The following CPA5 variants were observed in gnomAD, a reference collection of about 807,000 sequenced individuals.
CPA5 encodes testicular tissue protein Li 32.
In CPA5, 38 loss-of-function variants were observed where a neutral mutation model predicts 52.2. The observed-to-expected ratio is 0.73, with a 90% CI of 0.56 to 0.95. The LOEUF (loss-of-function observed/expected upper bound fraction) is 0.95. Among genes scored for constraint, CPA5 ranks in the 40% least tolerant of loss-of-function variants. The pLI is 0.00. For synonymous variants in CPA5, 198 were observed against 213.7 expected (o/e 0.93, Z 0.64); for missense variants, 519 against 566.7 (o/e 0.92, Z 0.86).
At chr7:130,374,322 GTTC>G in the CPA5 span, among the ~76,000 whole-genome samples, 2 of 152,126 alleles carry the variant, frequency 1.3e-5, no homozygotes, top group African/African-American at 2.4e-5. Flanking sequence ...GTTGACTGAG[GTTC>G]TTCTTCCCTG....
intron 5 of CPA5, 24 bp from the exon 6 acceptor site, chr7:130,359,565 C>T: frequency 6.5e-7 from 1 of 1,540,394 alleles, no homozygotes; most frequent in African/African-American, 1.4e-5. Flanking sequence ...CCTTCCTTTC[C>T]AATATGTGTT....
chr7:130,358,109 C>T (rs188366274), intron 5 of CPA5, among the ~76,000 whole-genome samples: 290 of 152,096 alleles, frequency 1.9e-3, no homozygotes, highest in African/African-American at 6.6e-3. Context: ...AGTCCTCCTG[C>T]CTCAGCTTAA....
At chr7:130,348,335 T>G (rs1357615462) in intron 4 of CPA5, among the ~76,000 whole-genome samples, 1 of 152,224 alleles carries the variant, frequency 6.6e-6, no homozygotes, top group Non-Finnish European at 1.5e-5. Context: ...AAACATTTTC[T>G]TTAACTTTGA....
At chr7:130,346,883 C>G (rs561800531) in intron 3 of CPA5, among the ~76,000 whole-genome samples, 2 of 152,146 alleles carry the variant, frequency 1.3e-5, no homozygotes, top group Admixed American at 1.3e-4. Context: ...TTTTCCTATA[C>G]AACAGGGGCT....
At chr7:130,361,320 T>C in intron 7 of CPA5, 76 bp downstream of exon 7, 2 of 1,037,876 alleles carry the variant, frequency 1.9e-6, no homozygotes, top group Middle Eastern at 2.0e-4. Context: ...TATGGGGTAG[T>C]GGCTGGGCGG....
At chr7:130,367,684 G>C (rs1040675610) in intron 11 of CPA5, 113 bp downstream of exon 11, 5 of 1,101,908 alleles carry the variant, frequency 4.5e-6, no homozygotes, top group Non-Finnish European at 6.9e-6. Context: ...GGTCTGGGCT[G>C]ATTGACCCCA....
chr7:130,355,866 A>G (rs1795447968), intron 5 of CPA5, among the ~76,000 whole-genome samples: 1 of 152,202 alleles, frequency 6.6e-6, no homozygotes, highest in Non-Finnish European at 1.5e-5. Context: ...CTCCACTCTC[A>G]AGGCATCTGT....
At position 130,367,855 on chromosome 7, in the gene CPA5, T is replaced by TGGGAGCCCCG. The variant is rs782101653; in HGVS notation, c.1039-41_1039-32dup. The TGGGAGCCCCG allele has an allele frequency of 3.3e-4, 495 of 1,504,884 alleles. 2 individuals are homozygous for TGGGAGCCCCG. The highest frequency in any genetic ancestry group is 9.0e-5 in the East Asian group (4 of 44,376). The allele number at this position is 1,504,884 out of a possible 1,614,324, so 93.2% of individuals were successfully genotyped here. A position where few individuals can be genotyped will look rare whatever the true frequency, so the allele number is the denominator to read the frequency against. On this transcript the variant is annotated intron_variant, in intron 11 of 12. Transcript: ENST00000474905. Reference sequence around the variant, plus strand: ...CAGCTGGTGAGGGTGGGGGAGTGTGTGGGAGCCCCGGGGAGCCCCTGCCTT... The same window carrying TGGGAGCCCCG: ...CAGCTGGTGAGGGTGGGGGAGTGTGTGGGAGCCCCGGGGAGCCCCGGGGAGCCCCTGCCTT...
intron 4 of CPA5, 148 bp from the exon 5 acceptor site, chr7:130,349,827 T>A (rs570076114): frequency 1.1e-4 from 96 of 839,342 alleles, no homozygotes; most frequent in Non-Finnish European, 1.6e-4. Flanking sequence ...GCTGAGGGGC[T>A]TTGGGACATC....
At chr7:130,356,513 C>T (rs1351933451) in intron 5 of CPA5, among the ~76,000 whole-genome samples, 2 of 152,188 alleles carry the variant, frequency 1.3e-5, no homozygotes, top group African/African-American at 2.4e-5. Context: ...ATGGAGCAAA[C>T]GCTGGTGCAT....
chr7:130,374,059 G>C, the CPA5 span, among the ~76,000 whole-genome samples: 1 of 151,962 alleles, frequency 6.6e-6, no homozygotes, highest in African/African-American at 2.4e-5. Flanking sequence ...GGCTGCTGCG[G>C]CTCCCAGACC....
intron 3 of CPA5, among the ~76,000 whole-genome samples, chr7:130,346,837 G>A (rs1227972938): frequency 6.6e-6 from 1 of 152,080 alleles, no homozygotes; most frequent in Admixed American, 6.5e-5. Context: ...GGAAGCCCCC[G>A]GGGCTCCAAG....
At chr7:130,356,821 G>T (rs1331648664) in intron 5 of CPA5, among the ~76,000 whole-genome samples, 1 of 152,044 alleles carries the variant, frequency 6.6e-6, no homozygotes, top group Non-Finnish European at 1.5e-5. Context: ...CCAACTTCAG[G>T]CTTCCACCAG....
intron 5 of CPA5, among the ~76,000 whole-genome samples, chr7:130,354,846 C>T (rs1009948250): frequency 6.6e-6 from 1 of 152,238 alleles, no homozygotes; most frequent in Admixed American, 6.5e-5. Flanking sequence ...CCTCCTGCCT[C>T]AGCCTCCCGA....
rs1554403538 is a variant in CPA5 at position 130,350,087 on chromosome 7, G to A, written c.311G>A (p.Ser104Asn). The A allele has an allele frequency of 6.2e-7, 1 of 1,613,248 alleles. No individual in the cohort carries two copies. The highest frequency in any genetic ancestry group is 8.5e-7 in the Non-Finnish European group (1 of 1,179,760). ...AYLESHGLAY[S>N]IMIKDIQVLL... ...CTGGAGTCTCATGGACTTGCTTACA[G>A]CATCATGATAAAGGACATCCAGGTG... Residue 104 changes from serine to asparagine, a missense_variant, in exon 5 of 13, where the codon AGC (serine) becomes AAC (asparagine). By Grantham distance (46) the Ser-to-Asn change is conservative. Coordinates refer to ENST00000474905, the MANE Select transcript of CPA5 (RefSeq NM_080385.5).
downstream of CPA5, among the ~76,000 whole-genome samples, chr7:130,373,334 T>C (rs1323444965): frequency 6.6e-5 from 10 of 152,130 alleles, no homozygotes; most frequent in African/African-American, 2.4e-4. Context: ...TTAGGTATGT[T>C]TTTTCATCCT....
At position 130,357,623 on chromosome 7, in the gene CPA5, C is replaced by CAA. The variant is rs140601691; in HGVS notation, c.334-1952_334-1951dup. Among the ~76,000 whole-genome samples, 73 of 95,086 alleles carry CAA rather than the reference C, an allele frequency of 7.7e-4. 2 individuals are homozygous for CAA. The highest frequency in any genetic ancestry group is 2.2e-3 in the African/African-American group (63 of 28,032). The allele number at this position is 95,086 out of a possible 152,430, so 62.4% of individuals were successfully genotyped here. On this transcript the variant is annotated intron_variant, in intron 5 of 12. Transcript: ENST00000474905. ...GGCCAAGAAGAGAGAAATTCCATCT[C>CAA]AAAAAAAAAAAAAAAGTTCTTATTG...
At position 130,347,966 on chromosome 7, in the gene CPA5, A is replaced by C; in HGVS notation, c.198+119A>C. The C allele has an allele frequency of 5.5e-6, 4 of 724,320 alleles. No individual in the cohort carries two copies. In the South Asian group the frequency reaches 7.4e-5, roughly 13 times the overall value. The allele number at this position is 724,320 out of a possible 1,614,324, so 44.9% of individuals were successfully genotyped here. A position where few individuals can be genotyped will look rare whatever the true frequency, so the allele number is the denominator to read the frequency against. The stretch of plus-strand genomic sequence containing the variant: ...CCCTCCTGAGGTCCCTGCAAAGAGC[A>C]CAGACCTGTGGGAAATCACACGTGG... On this transcript the variant is annotated intron_variant, in intron 4 of 12. Coordinates refer to ENST00000474905, the MANE Select transcript of CPA5 (RefSeq NM_080385.5).
At chr7:130,357,113 A>G (rs1341757954) in intron 5 of CPA5, among the ~76,000 whole-genome samples, 1 of 152,250 alleles carries the variant, frequency 6.6e-6, no homozygotes, top group Non-Finnish European at 1.5e-5. Flanking sequence ...GCAGCTGGAA[A>G]ACATCGCAAC....
Sources: allele counts gnomAD v4.1 joint callset (sites outside exome capture counted in the v4.1 genomes callset), GRCh38; gene constraint gnomAD v4.1.1; transcripts MANE v1.5; gene names NCBI Gene and HGNC (gene_info 2026-07-23, HGNC 2026-07-21).